Variants in TCERG1 observed in about 807,000 individuals in gnomAD.
The protein encoded by TCERG1 is transcription elongation regulator 1.
TCERG1 carries 37 observed loss-of-function variants against 144.7 expected under a neutral mutation model. The observed-to-expected ratio is 0.26, with a 90% CI of 0.20 to 0.34. The LOEUF is 0.34. TCERG1 is among the 10% of genes least tolerant of loss of function. The pLI is 1.00. For synonymous variants in TCERG1, 492 were observed against 458.2 expected, an observed-to-expected ratio of 1.07 and a Z score of -0.94; for missense variants, 1,027 against 1,380.7, an observed-to-expected ratio of 0.74 and a Z score of 4.06.
At chr5:146,462,787 TC>T (rs1353385883) in intron 4 of TCERG1, among the ~76,000 whole-genome samples, 2 of 152,210 alleles carry the variant, frequency 1.3e-5, no homozygotes, top group Non-Finnish European at 2.9e-5. Context: ...TTATTACTCT[TC>T]CATACAGGAA....
chr5:146,451,009 C>T (rs78173774), intron 1 of TCERG1, among the ~76,000 whole-genome samples: 380 of 152,272 alleles, frequency 2.5e-3, no homozygotes, highest in African/African-American at 8.3e-3. Context: ...CAACAAAAGA[C>T]GGAGTCCTAA....
In TCERG1 at chr5:146,470,656, A is replaced by G. The variant is rs149674829; in HGVS notation, c.1420A>G (p.Lys474Glu). The change falls in exon 8 of 23, where the codon AAA (lysine) becomes GAA (glutamate). Residue 474 changes from lysine (K) to glutamate (E), a missense_variant. By Grantham distance (56) the Lys-to-Glu change is moderately conservative. This residue lies in a region of TCERG1 where 482 missense variants were observed against 632.6 expected (regional missense o/e 0.76). Coordinates refer to ENST00000679501, the MANE Select transcript of TCERG1 (RefSeq NM_001382548.1). The stretch of plus-strand genomic sequence containing the variant: ...CATAGAAAAGTTAGAAGAGAAGATT[A>G]AAGAGCCAATTAAAGAACCCTCTGA... ...KEKEKLEEKI[K>E]EPIKEPSEEP... 1 of 1,607,376 alleles carries G rather than the reference A, an allele frequency of 6.2e-7. No individual in the cohort carries two copies. Among genetic ancestry groups the G allele is most frequent in the Non-Finnish European group, 8.5e-7 (1 of 1,178,480 alleles).
intron 16 of TCERG1, among the ~76,000 whole-genome samples, chr5:146,496,860 T>A: frequency 7.2e-6 from 1 of 138,116 alleles, no homozygotes; most frequent in African/African-American, 2.7e-5. Context: ...GGACAGAGCC[T>A]CACTATGTGT....
At chr5:146,464,945 G>GTT (rs892377922) in intron 5 of TCERG1, among the ~76,000 whole-genome samples, 1 of 149,002 alleles carries the variant, frequency 6.7e-6, no homozygotes. Flanking sequence ...AAAATTTCAG[G>GTT]TTTTTTTTTT....
chr5:146,503,997 G>A lies in TCERG1; in HGVS notation c.2772G>A (p.Leu924=). The A allele has an allele frequency of 6.3e-7, 1 of 1,575,816 alleles. No homozygotes were observed. The highest frequency in any genetic ancestry group is 8.6e-7 in the Non-Finnish European group (1 of 1,165,272). ...EEAIQNFKAL[L]SDMVRSSDVS... ...CTATCCAGAATTTCAAAGCTCTTCT[G>A]TCTGACATGGTATACGTTAATCTTT... is the stretch of plus-strand genomic sequence containing the variant. Residue 924 remains leucine, a synonymous_variant, in exon 19 of 23, where the codon CTG becomes CTA. Coordinates refer to ENST00000679501, the MANE Select transcript of TCERG1 (RefSeq NM_001382548.1).
Position 146,455,218 on chromosome 5 carries a change from T to C in TCERG1, c.222T>C (p.Pro74=). 6.2e-7 allele frequency: 1 copy of C among 1,614,234 alleles called. No individual in the cohort carries two copies. Among genetic ancestry groups the C allele is most frequent in the Non-Finnish European group, 8.5e-7 (1 of 1,180,042 alleles). The change falls in exon 2 of 23, where the codon CCT becomes CCC. Residue 74 remains proline (P), a synonymous_variant. Coordinates refer to ENST00000679501, the MANE Select transcript of TCERG1 (RefSeq NM_001382548.1). ...RPPFGRPPFD[P]NMPPMPPPGG... is the part of the protein sequence containing the mutation. ...CCTTTGGACGTCCTCCTTTTGATCC[T>C]AATATGCCGCCAATGCCTCCTCCAG...
At chr5:146,490,554 A>T (rs1766302230) in intron 15 of TCERG1, among the ~76,000 whole-genome samples, 1 of 152,240 alleles carries the variant, frequency 6.6e-6, no homozygotes, top group African/African-American at 2.4e-5. Context: ...TTATATGTGA[A>T]TCTGTTTTTC....
chr5:146,464,491 T>C (rs945105038), intron 5 of TCERG1, among the ~76,000 whole-genome samples: 3 of 152,246 alleles, frequency 2.0e-5, no homozygotes, highest in African/African-American at 4.8e-5. Context: ...TAATGTGTTA[T>C]ATTGTCTTAA....
At chr5:146,468,759 T>A (rs969664882) in intron 6 of TCERG1, among the ~76,000 whole-genome samples, 4 of 152,210 alleles carry the variant, frequency 2.6e-5, no homozygotes, top group African/African-American at 4.8e-5. Flanking sequence ...GTGATGTGAT[T>A]ATGCTTGCAT....
chr5:146,464,431 A>T (rs936796116), intron 5 of TCERG1, among the ~76,000 whole-genome samples: 2 of 152,252 alleles, frequency 1.3e-5, no homozygotes. Flanking sequence ...AACAATTATG[A>T]AGTAAAGCAT....
chr5:146,452,772 A>G (rs1164430641), intron 1 of TCERG1, among the ~76,000 whole-genome samples: 1 of 152,060 alleles, frequency 6.6e-6, no homozygotes, highest in African/African-American at 2.4e-5. Context: ...TTGTATTTTT[A>G]GTAGAGATGG....
chr5:146,481,163 A>G lies in TCERG1; in HGVS notation c.1900A>G (p.Lys634Glu). 4.1e-6 allele frequency: 4 copies of G among 985,316 alleles called. No homozygotes were observed. The highest frequency in any genetic ancestry group is 4.8e-6 in the Non-Finnish European group (4 of 829,880). 61.0% of individuals were successfully genotyped at this position (985,316 alleles called of 1,614,324 possible). ...TGCTTTTATCAGGAGAATGTCAAAG[A>G]AGTCCTTTATGTGGATTGCCCGAGC... is the stretch of plus-strand genomic sequence containing the variant. ...KAKKRKRMSK[K>E]SFMWIARASL... is the part of the protein sequence containing the mutation. Residue 634 changes from lysine (K) to glutamate (E), a missense_variant, in exon 13 of 23, where the codon AAG becomes GAG. By Grantham distance (56) the Lys-to-Glu change is moderately conservative. This residue lies in a region of TCERG1 where 482 missense variants were observed against 632.6 expected (regional missense o/e 0.76). Coordinates refer to ENST00000679501, the MANE Select transcript of TCERG1 (RefSeq NM_001382548.1).
chr5:146,468,292 G>T, intron 5 of TCERG1, 49 bp from the exon 6 acceptor site: 1 of 1,417,322 alleles, frequency 7.1e-7, no homozygotes, highest in South Asian at 1.4e-5. Context: ...AGTGGTAGCC[G>T]ACATACAATG....
At chr5:146,501,154 G>A (rs1198607887) in intron 17 of TCERG1, among the ~76,000 whole-genome samples, 1 of 152,128 alleles carries the variant, frequency 6.6e-6, no homozygotes, top group African/African-American at 2.4e-5. Context: ...ATTTGAGGTT[G>A]TATGTAATTG....
At chr5:146,483,311 GTAAT>G (rs1052941443) in intron 14 of TCERG1, among the ~76,000 whole-genome samples, 3 of 152,092 alleles carry the variant, frequency 2.0e-5, no homozygotes, top group Non-Finnish European at 4.4e-5. Flanking sequence ...ATTTTAATGA[GTAAT>G]TAAGTGTCTG....
chr5:146,486,849 C>T (rs1373543451), intron 15 of TCERG1, among the ~76,000 whole-genome samples: 2 of 151,966 alleles, frequency 1.3e-5, no homozygotes, highest in African/African-American at 2.4e-5. Context: ...CCAAGGCAGG[C>T]GGATCACATG....
intron 7 of TCERG1, among the ~76,000 whole-genome samples, chr5:146,470,129 G>A (rs1252953612): frequency 6.6e-6 from 1 of 152,138 alleles, no homozygotes; most frequent in Non-Finnish European, 1.5e-5. Flanking sequence ...CTTAGATGTA[G>A]AAGATTCATA....
rs1354139647 is a variant in TCERG1, at chr5:146,463,561, A to G, written c.903A>G (p.Thr301=). 1.2e-6 allele frequency: 2 copies of G among 1,614,184 alleles called. No homozygotes were observed. The highest frequency in any genetic ancestry group is 4.5e-5 in the East Asian group (2 of 44,890). ...SVAQTVSTPT[T]QDQTPSSAVS... is the part of the protein sequence containing the mutation. ...TTTATCTTTTATCAGCACCCACAAC[A>G]CAAGATCAGACCCCAAGTTCTGCTG... Residue 301 remains threonine (T), a synonymous_variant, in exon 5 of 23, where the codon ACA becomes ACG. Coordinates refer to ENST00000679501, the MANE Select transcript of TCERG1 (RefSeq NM_001382548.1).
At chr5:146,448,816 C>T (rs1364873941) in intron 1 of TCERG1, among the ~76,000 whole-genome samples, 1 of 152,050 alleles carries the variant, frequency 6.6e-6, no homozygotes, top group Non-Finnish European at 1.5e-5. Flanking sequence ...ATTAGCGATG[C>T]CAAGTTTATT....
Sources: allele counts gnomAD v4.1 joint callset (sites outside exome capture counted in the v4.1 genomes callset), GRCh38; gene constraint gnomAD v4.1.1; regional missense constraint gnomAD v4.1.1; transcripts MANE v1.5; gene names NCBI Gene and HGNC (gene_info 2026-07-23, HGNC 2026-07-21).